Variants in TM2D1 observed in about 807,000 individuals in gnomAD.
TM2D1 encodes TM2 domain containing 1.
TM2D1 carries 15 observed loss-of-function variants against 28.4 expected under a neutral mutation model. The ratio of observed to expected loss-of-function variants is 0.53; its 90% CI spans 0.35 to 0.81. The LOEUF is 0.81. Ranked by LOEUF, TM2D1 falls within the 40% of genes least tolerant of loss-of-function variation. The pLI is 0.01. For missense variants in TM2D1, 236 were observed against 254.9 expected (o/e 0.93, Z 0.50); for synonymous variants, 93 against 96.2 (o/e 0.97, Z 0.20).
chr1:61,693,908 CAT>C (rs996003573), intron 5 of TM2D1, among the ~76,000 whole-genome samples: 1 of 152,226 alleles, frequency 6.6e-6, no homozygotes, highest in African/African-American at 2.4e-5. Context: ...TAAGAATCCT[CAT>C]GAGTTAACCA....
At chr1:61,724,358 G>A (rs146014736) in intron 1 of TM2D1, 2,925 of 152,530 alleles carry the variant, frequency 0.019, 112 homozygotes, top group African/African-American at 0.064. Context: ...GACTGAACCC[G>A]GGAGGCGGAG....
At chr1:61,694,031 T>C (rs1014888704) in intron 5 of TM2D1, 6 of 152,068 alleles carry the variant, frequency 3.9e-5, no homozygotes, top group African/African-American at 1.4e-4. Flanking sequence ...CAGGAGAAAA[T>C]AAGGCTATGG....
chr1:61,707,409 C>T (rs1041035899), intron 3 of TM2D1, among the ~76,000 whole-genome samples: 7 of 152,102 alleles, frequency 4.6e-5, no homozygotes, highest in Non-Finnish European at 1.0e-4. Context: ...TAATATAAAC[C>T]TGTAAGTTCC....
At chr1:61,691,955 A>ATG in intron 5 of TM2D1, among the ~76,000 whole-genome samples, 1 of 137,452 alleles carries the variant, frequency 7.3e-6, no homozygotes, top group South Asian at 2.4e-4. Context: ...ATATATATAT[A>ATG]TATATGTATA....
chr1:61,701,310 C>CAAAAAAAAA (rs10587870), intron 3 of TM2D1, among the ~76,000 whole-genome samples: 20 of 84,066 alleles, frequency 2.4e-4, no homozygotes, highest in East Asian at 8.4e-4. Flanking sequence ...TAAATGTTAA[C>CAAAAAAAAA]AAAAAAAAAA....
rs138122705 is a variant in TM2D1 at position 61,721,065 on chromosome 1, C to A, written c.238+2648G>T. Among the ~76,000 whole-genome samples, 212 of 151,536 alleles carry A rather than the reference C, an allele frequency of 1.4e-3. 4 individuals carry two copies. The East Asian group carries it at 0.037, about 26-fold the overall frequency. On this transcript the variant is annotated intron_variant, in intron 2 of 6. Transcript: ENST00000606498. ...TACATCCCATCGCTACTCACCCCTCCAAAAAAATACAAAAAATTAGCCAGG... is the reference window on the plus strand; with the variant it reads ...TACATCCCATCGCTACTCACCCCTCAAAAAAAATACAAAAAATTAGCCAGG...
At position 61,708,687 on chromosome 1, in the gene TM2D1, T is replaced by C. The variant is rs146907308; in HGVS notation, c.347+642A>G. On this transcript the variant is annotated intron_variant, in intron 3 of 6. Transcript: ENST00000606498. ...TTTTTCTGATACAATAGGTACACAA[T>C]TGCTGTTTGTACTCTAGAAATCTCC... Among the ~76,000 whole-genome samples the C allele has an allele frequency of 6.3e-3, 962 of 152,320 alleles. 3 individuals are homozygous for C. The highest frequency in any genetic ancestry group is 0.01 in the Non-Finnish European group (687 of 68,028).
intron 3 of TM2D1, among the ~76,000 whole-genome samples, chr1:61,703,720 A>T (rs1160963530): frequency 0.012 from 13 of 1,054 alleles, no homozygotes; most frequent in Non-Finnish European, 0.035. Context: ...GCCAATCTTT[A>T]TATATATATA....
chr1:61,721,200 T>A (rs889246661), intron 2 of TM2D1, among the ~76,000 whole-genome samples: 1 of 151,524 alleles, frequency 6.6e-6, no homozygotes, highest in East Asian at 1.9e-4. Context: ...CACTGCAGTC[T>A]AGCCTGGGTG....
chr1:61,716,897 T>C (rs182956834), intron 2 of TM2D1, among the ~76,000 whole-genome samples: 4 of 152,194 alleles, frequency 2.6e-5, no homozygotes, highest in African/African-American at 9.6e-5. Flanking sequence ...TTCTAAGAAA[T>C]TAAATGAGTT....
At chr1:61,713,489 A>C (rs1325740363) in intron 2 of TM2D1, among the ~76,000 whole-genome samples, 2 of 38,940 alleles carry the variant, frequency 5.1e-5, no homozygotes, top group Non-Finnish European at 1.2e-4. Context: ...ACTCAAAAAC[A>C]AAAAAAAAAA....
chr1:61,707,309 T>C (rs946824030), intron 3 of TM2D1, among the ~76,000 whole-genome samples: 4 of 152,172 alleles, frequency 2.6e-5, no homozygotes, highest in African/African-American at 7.2e-5. Flanking sequence ...CTCAGTTGTA[T>C]GCAGCCTAAT....
chr1:61,723,433 A>G (rs1442728172), intron 2 of TM2D1, among the ~76,000 whole-genome samples: 5 of 152,222 alleles, frequency 3.3e-5, no homozygotes, highest in Non-Finnish European at 5.9e-5. Context: ...TATATAAAAT[A>G]TAAGTACACT....
intron 2 of TM2D1, among the ~76,000 whole-genome samples, chr1:61,722,642 C>T (rs1013555552): frequency 6.6e-6 from 1 of 152,180 alleles, no homozygotes; most frequent in African/African-American, 2.4e-5. Flanking sequence ...GCTCGGATTA[C>T]AGGTGTGAGC....
intron 2 of TM2D1, among the ~76,000 whole-genome samples, chr1:61,715,586 T>G (rs1219237420): frequency 7.9e-6 from 1 of 126,232 alleles, no homozygotes; most frequent in Non-Finnish European, 1.6e-5. Flanking sequence ...AGGCAGTGGT[T>G]GCAGTGAGCC....
intron 5 of TM2D1, among the ~76,000 whole-genome samples, chr1:61,690,815 T>A (rs563503096): frequency 1.1e-4 from 17 of 152,348 alleles, no homozygotes; most frequent in African/African-American, 4.1e-4. Context: ...TAACCCAGTG[T>A]TAGAGTGGTT....
chr1:61,700,180 T>C, intron 4 of TM2D1: 2 of 1,533,952 alleles, frequency 1.3e-6, no homozygotes, highest in Non-Finnish European at 1.8e-6. Flanking sequence ...TTCCTATCCA[T>C]AAAACAAAGA....
chr1:61,702,719 A>G (rs1644411165), intron 3 of TM2D1, among the ~76,000 whole-genome samples: 1 of 151,624 alleles, frequency 6.6e-6, no homozygotes, highest in Non-Finnish European at 1.5e-5. Context: ...TAGTTAATAT[A>G]TTGATATTCA....
intron 2 of TM2D1, among the ~76,000 whole-genome samples, chr1:61,714,045 G>A (rs12738105): frequency 1.0e-4 from 15 of 146,844 alleles, no homozygotes; most frequent in Admixed American, 5.4e-4. Context: ...ACAGGCGCCC[G>A]CCACCGCGCC....
Sources: allele counts gnomAD v4.1 joint callset (sites outside exome capture counted in the v4.1 genomes callset), GRCh38; gene constraint gnomAD v4.1.1; transcripts MANE v1.5; gene names NCBI Gene and HGNC (gene_info 2026-07-23, HGNC 2026-07-21).